PDE12: variants seen among roughly 807,000 people sequenced by gnomAD.
PDE12 encodes phosphodiesterase 12.
In PDE12, 26 loss-of-function variants were observed where a neutral mutation model predicts 45.4. That is an observed-to-expected ratio of 0.57 (90% CI 0.42 to 0.79). The LOEUF is 0.79. PDE12 is among the 30% of genes least tolerant of loss of function. The pLI is 0.00. For missense variants in PDE12, 668 were observed against 790.0 expected, an observed-to-expected ratio of 0.85 and a Z score of 1.85; for synonymous variants, 283 against 323.9, an observed-to-expected ratio of 0.87 and a Z score of 1.36.
chr3:57,606,510 C>G, the PDE12 span, among the ~76,000 whole-genome samples: 2 of 152,080 alleles, frequency 1.3e-5, no homozygotes, highest in African/African-American at 4.8e-5. Flanking sequence ...AGAAAAATGA[C>G]ACCATATGGA....
At chr3:57,624,920 A>G in the PDE12 span, among the ~76,000 whole-genome samples, 6 of 152,064 alleles carry the variant, frequency 3.9e-5, no homozygotes, top group Non-Finnish European at 7.4e-5. Flanking sequence ...TATTTTTTTG[A>G]GACAGGTCTT....
the PDE12 span, among the ~76,000 whole-genome samples, chr3:57,593,796 G>A: frequency 7.2e-5 from 11 of 152,064 alleles, no homozygotes; most frequent in African/African-American, 4.8e-5. Flanking sequence ...AGCACTTTTC[G>A]AGGCCGAGGT....
the PDE12 span, chr3:57,628,329 T>A: frequency 1.2e-6 from 2 of 1,613,924 alleles, no homozygotes; most frequent in Non-Finnish European, 1.7e-6. Flanking sequence ...AGGTAAGTGC[T>A]CTCGATCAGC....
chr3:57,631,913 G>A, the PDE12 span, among the ~76,000 whole-genome samples: 2 of 147,908 alleles, frequency 1.4e-5, no homozygotes, highest in African/African-American at 5.0e-5. Flanking sequence ...TAGTAGAGAC[G>A]GGGTTTCACC....
chr3:57,637,892 T>A, the PDE12 span, among the ~76,000 whole-genome samples: 1 of 151,948 alleles, frequency 6.6e-6, no homozygotes, highest in African/African-American at 2.4e-5. Context: ...CCCCAGCACT[T>A]TGGGAGGCTG....
chr3:57,645,690 G>A, the PDE12 span: 8 of 1,613,042 alleles, frequency 5.0e-6, no homozygotes, highest in Non-Finnish European at 5.9e-6. Context: ...TATATTCTTT[G>A]AATTCACTAT....
At chr3:57,598,112 C>T in the PDE12 span, 3 of 152,156 alleles carry the variant, frequency 2.0e-5, no homozygotes, top group African/African-American at 7.2e-5. Context: ...TAAAGATTTA[C>T]TCCTTATGTT....
chr3:57,586,285 C>T, the PDE12 span, among the ~76,000 whole-genome samples: 1 of 114,354 alleles, frequency 8.7e-6, no homozygotes, highest in East Asian at 2.3e-4. Flanking sequence ...AGCAAGGACA[C>T]TTTCTTAATA....
chr3:57,628,810 C>A, the PDE12 span: 5 of 1,610,686 alleles, frequency 3.1e-6, no homozygotes, highest in South Asian at 1.1e-5. Flanking sequence ...TGGCTACATA[C>A]CAGCTTATTT....
chr3:57,587,664 T>C, the PDE12 span, among the ~76,000 whole-genome samples: 6 of 152,132 alleles, frequency 3.9e-5, no homozygotes. Flanking sequence ...GGGCTTTAAA[T>C]ATATAATATT....
chr3:57,617,022 TCAAAA>T, the PDE12 span, among the ~76,000 whole-genome samples: 56 of 151,456 alleles, frequency 3.7e-4, no homozygotes, highest in African/African-American at 1.3e-3. Context: ...AGACTCCATC[TCAAAA>T]CAAAACAAAA....
chr3:57,575,423 A>G, the PDE12 span: 3 of 980,210 alleles, frequency 3.1e-6, no homozygotes, highest in East Asian at 3.1e-5. Flanking sequence ...CATATTTTTA[A>G]ATAAATGATG....
chr3:57,610,473 T>A, the PDE12 span, among the ~76,000 whole-genome samples: 1 of 152,102 alleles, frequency 6.6e-6, no homozygotes, highest in Non-Finnish European at 1.5e-5. Flanking sequence ...CATGACTGTA[T>A]ATTTAGAAAA....
In PDE12 at chr3:57,561,915, C is replaced by A; in HGVS notation, c.*1911C>A. 1.0e-6 allele frequency: 1 copy of A among 984,774 alleles called. No homozygotes were observed. The highest frequency in any genetic ancestry group is 4.7e-5 in the South Asian group (1 of 21,266). 61.0% of individuals were successfully genotyped at this position (984,774 alleles called of 1,614,324 possible). The stretch of plus-strand genomic sequence containing the variant: ...AATTAAAGTGGAAGTTTCTTCGGAT[C>A]TTGTTTAGAAAAAACTATAAATAAA... On this transcript the variant is annotated 3_prime_UTR_variant, in exon 3 of 3. Coordinates refer to ENST00000311180, the MANE Select transcript of PDE12 (RefSeq NM_177966.7).
the PDE12 span, among the ~76,000 whole-genome samples, chr3:57,640,394 A>G: frequency 6.6e-6 from 1 of 151,992 alleles, no homozygotes; most frequent in African/African-American, 2.4e-5. Flanking sequence ...GGAGTTTGAG[A>G]CCAGCCTTGC....
chr3:57,646,328 A>G, the PDE12 span: 1 of 1,612,852 alleles, frequency 6.2e-7, no homozygotes, highest in Non-Finnish European at 8.5e-7. Flanking sequence ...AACAAGTGCC[A>G]ATACAGTCTC....
the PDE12 span, chr3:57,597,452 G>T: frequency 1.7e-5 from 4 of 232,498 alleles, no homozygotes; most frequent in East Asian, 2.1e-4. Context: ...ACAGAATCGC[G>T]TCACCGCCGC....
chr3:57,572,673 CTCAA>C, the PDE12 span, among the ~76,000 whole-genome samples: 2 of 152,100 alleles, frequency 1.3e-5, no homozygotes, highest in Non-Finnish European at 1.5e-5. Flanking sequence ...GAGACTCCGT[CTCAA>C]TCAATCAAGC....
chr3:57,616,473 GGAA>G, the PDE12 span, among the ~76,000 whole-genome samples: 19 of 149,116 alleles, frequency 1.3e-4, no homozygotes, highest in African/African-American at 2.3e-4. Context: ...GGAGAAAGAA[GGAA>G]GAAGAAAGAA....
Sources: allele counts gnomAD v4.1 joint callset (sites outside exome capture counted in the v4.1 genomes callset), GRCh38; gene constraint gnomAD v4.1.1; transcripts MANE v1.5; gene names NCBI Gene and HGNC (gene_info 2026-07-23, HGNC 2026-07-21).